ECPAS: variants seen among roughly 807,000 people sequenced by gnomAD.
ECPAS encodes the protein Ecm29 proteasome adaptor and scaffold.
Under a neutral mutation model 255.1 loss-of-function variants are expected in ECPAS, and 70 were observed. That is an observed-to-expected ratio of 0.27 (90% CI 0.23 to 0.33). The LOEUF (loss-of-function observed/expected upper bound fraction) is 0.33, where lower values mean the gene tolerates loss of function less well. Among genes scored for constraint, ECPAS ranks in the 10% least tolerant of loss-of-function variants. ECPAS has a pLI of 1.00. For missense variants in ECPAS, 1,817 were observed against 2,206.4 expected (o/e 0.82, Z 3.54); for synonymous variants, 784 against 775.0 (o/e 1.01, Z -0.19).
intron 36 of ECPAS, among the ~76,000 whole-genome samples, chr9:111,377,029 A>T (rs150904164): frequency 6.6e-6 from 1 of 152,356 alleles, no homozygotes; most frequent in African/African-American, 2.4e-5. Flanking sequence ...AGTAAGGCAT[A>T]CACAAGTGAC....
chr9:111,408,633 C>T lies in ECPAS; in HGVS notation c.2590G>A (p.Val864Ile). ...RAIQTLGYFP[V>I]GDGDFPHQKL... Reference sequence around the variant, plus strand: ...TGGTGAGGAAAATCTCCATCCCCAACTGGAAAATATCCCAGTGTTTGGATT... The same window carrying T: ...TGGTGAGGAAAATCTCCATCCCCAATTGGAAAATATCCCAGTGTTTGGATT... The change falls in exon 24 of 50, where the codon GTT becomes ATT. Residue 864 changes from valine (V) to isoleucine (I), a missense_variant. Around this residue, in one of 4 missense-constraint regions of ECPAS, gnomAD observed 960 missense variants for 1,179.0 expected, o/e 0.81. Transcript: ENST00000684092. The T allele has an allele frequency of 6.3e-7, 1 of 1,594,778 alleles. No homozygotes were observed. Among genetic ancestry groups the T allele is most frequent in the South Asian group, 1.1e-5 (1 of 87,030 alleles).
chr9:111,480,292 C>CTTTTTT (rs398011866), intron 1 of ECPAS, among the ~76,000 whole-genome samples: 1,615 of 63,424 alleles, frequency 0.025, 2 homozygotes, highest in Middle Eastern at 0.037. Context: ...AGCACCTTTT[C>CTTTTTT]TTTTTTTTTT....
chr9:111,373,552 C>T, intron 39 of ECPAS, 146 bp from the exon 40 acceptor site: 1 of 654,958 alleles, frequency 1.5e-6, no homozygotes, highest in Non-Finnish European at 2.6e-6. Flanking sequence ...ATTTATATAT[C>T]CATTTGCTTC....
chr9:111,432,354 C>T (rs2098231251), intron 8 of ECPAS, among the ~76,000 whole-genome samples: 1 of 152,244 alleles, frequency 6.6e-6, no homozygotes, highest in Non-Finnish European at 1.5e-5. Context: ...TGGCTCACGC[C>T]TGTAATCCCA....
At chr9:111,476,111 G>A (rs535002575) in intron 1 of ECPAS, among the ~76,000 whole-genome samples, 1 of 152,348 alleles carries the variant, frequency 6.6e-6, no homozygotes, top group African/African-American at 2.4e-5. Context: ...CCATGGCTAT[G>A]TCAAATGGTC....
At chr9:111,381,182 T>C (rs531780759) in intron 35 of ECPAS, among the ~76,000 whole-genome samples, 45 of 152,334 alleles carry the variant, frequency 3.0e-4, no homozygotes, top group African/African-American at 1.1e-3. Flanking sequence ...CTATTTAAAG[T>C]AAGAGACAGG....
intron 2 of ECPAS, among the ~76,000 whole-genome samples, chr9:111,468,260 T>C (rs1176695260): frequency 1.3e-5 from 2 of 152,132 alleles, no homozygotes; most frequent in East Asian, 3.9e-4. Context: ...GTAAAGCAAG[T>C]AGTATTAGCT....
intron 2 of ECPAS, among the ~76,000 whole-genome samples, chr9:111,457,360 C>T (rs1281730068): frequency 6.6e-6 from 1 of 151,912 alleles, no homozygotes; most frequent in African/African-American, 2.4e-5. Flanking sequence ...AAGGAAAAAG[C>T]CACTAGAGAG....
intron 2 of ECPAS, among the ~76,000 whole-genome samples, chr9:111,452,245 T>C (rs1400650085): frequency 6.6e-6 from 1 of 152,338 alleles, no homozygotes; most frequent in Non-Finnish European, 1.5e-5. Context: ...GGTACTATAA[T>C]GGTATTGTGG....
intron 2 of ECPAS, among the ~76,000 whole-genome samples, chr9:111,455,129 A>G (rs989954407): frequency 6.6e-6 from 1 of 152,200 alleles, no homozygotes; most frequent in Admixed American, 6.5e-5. Context: ...ACTGCAAAAT[A>G]CTTTTAAATA....
intron 9 of ECPAS, among the ~76,000 whole-genome samples, chr9:111,429,259 CTCT>C (rs1271716990): frequency 6.6e-6 from 1 of 151,446 alleles, no homozygotes; most frequent in East Asian, 1.9e-4. Context: ...GAGTTTTATT[CTCT>C]TTTTTTTTTT....
At position 111,360,947 on chromosome 9, in the gene ECPAS, C is replaced by G. The variant is rs1340151026; in HGVS notation, c.*1083G>C. On this transcript the variant is annotated 3_prime_UTR_variant, in exon 50 of 50. Transcript: ENST00000684092. The stretch of plus-strand genomic sequence containing the variant: ...TTTACTTGTTTTTCCTCTTACCCTA[C>G]ACTTTCAGGCAGGGGCATGGGCAAC... 4 of 152,204 alleles carry G rather than the reference C, an allele frequency of 2.6e-5. No homozygotes were observed. Among genetic ancestry groups the G allele is most frequent in the Non-Finnish European group, 5.9e-5 (4 of 68,038 alleles). The allele number at this position is 152,204 out of a possible 1,614,324, so 9.4% of individuals were successfully genotyped here. A position where few individuals can be genotyped will look rare whatever the true frequency, so the allele number is the denominator to read the frequency against.
At chr9:111,376,237 A>G (rs1287106038) in intron 37 of ECPAS, among the ~76,000 whole-genome samples, 1 of 152,180 alleles carries the variant, frequency 6.6e-6, no homozygotes. Context: ...AGAGCTCTTG[A>G]TATGTTGTTG....
chr9:111,463,573 AG>A (rs1353236297), intron 2 of ECPAS, among the ~76,000 whole-genome samples: 2 of 152,348 alleles, frequency 1.3e-5, no homozygotes, highest in Non-Finnish European at 2.9e-5. Flanking sequence ...TGGCTCAATC[AG>A]ATTTCAAGAC....
intron 4 of ECPAS, among the ~76,000 whole-genome samples, chr9:111,443,025 C>T (rs1410027534): frequency 6.6e-6 from 1 of 152,120 alleles, no homozygotes; most frequent in Non-Finnish European, 1.5e-5. Flanking sequence ...ACAAGACACA[C>T]AAAGGAAATG....
At chr9:111,364,190 C>G (rs1375670015) in intron 48 of ECPAS, among the ~76,000 whole-genome samples, 1 of 152,194 alleles carries the variant, frequency 6.6e-6, no homozygotes, top group African/African-American at 2.4e-5. Flanking sequence ...GACACGGCGT[C>G]TGGTTCATGG....
rs368658320 is a variant in ECPAS, at chr9:111,474,995, A to G, written c.-82-1995T>C. Among the ~76,000 whole-genome samples the G allele has an allele frequency of 2.6e-4, 40 of 152,264 alleles. No homozygotes were observed. In the East Asian group the frequency reaches 7.3e-3, roughly 28 times the overall value. ...TACTCAGCTTTTTTTGTTTTGCATAATATTTCCCTATCTCCAAGTCTCAGC... is the reference window on the plus strand; with the variant it reads ...TACTCAGCTTTTTTTGTTTTGCATAGTATTTCCCTATCTCCAAGTCTCAGC... On this transcript the variant is annotated intron_variant, in intron 1 of 49. Coordinates refer to ENST00000684092, the MANE Select transcript of ECPAS (RefSeq NM_001364929.1).
At chr9:111,452,730 C>T (rs1229027223) in intron 2 of ECPAS, among the ~76,000 whole-genome samples, 2 of 152,104 alleles carry the variant, frequency 1.3e-5, no homozygotes, top group Admixed American at 6.5e-5. Context: ...CATGGATAGA[C>T]AGACAGACAG....
chr9:111,380,212 T>C (rs775829559), intron 35 of ECPAS, among the ~76,000 whole-genome samples: 2 of 152,360 alleles, frequency 1.3e-5, no homozygotes, highest in East Asian at 3.9e-4. Flanking sequence ...CTAACAGCCA[T>C]GAAAACATTC....
Sources: gnomAD v4.1 joint callset for allele counts (sites outside exome capture counted in the v4.1 genomes callset) on GRCh38, gnomAD v4.1.1 for gene constraint, gnomAD v4.1.1 regional missense constraint, MANE v1.5 for transcripts, NCBI Gene and HGNC (gene_info 2026-07-23, HGNC 2026-07-21) for gene names.